ZSCAN1: variants seen among roughly 807,000 people sequenced by gnomAD.
ZSCAN1 encodes zinc finger and SCAN domain containing 1.
A neutral mutation model predicts 23.8 loss-of-function variants in ZSCAN1; 23 were observed. The ratio of observed to expected loss-of-function variants is 0.97; its 90% confidence interval spans 0.70 to 1.37. The LOEUF is 1.37. ZSCAN1 is among the 40% of genes most tolerant of loss of function. The pLI, the probability that ZSCAN1 is intolerant of heterozygous loss-of-function variation, is 0.00. For synonymous variants in ZSCAN1, 236 were observed against 232.3 expected (o/e 1.02, Z -0.15); for missense variants, 575 against 554.0 (o/e 1.04, Z -0.38).
In ZSCAN1 at chr19:58,045,123, C is replaced by A; in HGVS notation, c.465+4579C>A. The stretch of plus-strand genomic sequence containing the variant: ...ACGGATCCACACCAAGATCGCAGCA[C>A]GCATGCTCTGGCGCATCCTCAACTG... On this transcript the variant is annotated intron_variant, in intron 4 of 5. Coordinates refer to ENST00000282326, the MANE Select transcript of ZSCAN1 (RefSeq NM_182572.4). The surrounding 1 kb of genome is among the most constrained non-coding windows in gnomAD (Gnocchi z 4.3). The A allele has an allele frequency of 8.0e-7, 1 of 1,252,780 alleles. No homozygotes were observed. The highest frequency in any genetic ancestry group is 1.2e-6 in the Non-Finnish European group (1 of 854,428). 77.6% of individuals were successfully genotyped at this position (1,252,780 alleles called of 1,614,324 possible). A position where few individuals can be genotyped will look rare whatever the true frequency, so the allele number is the denominator to read the frequency against.
Position 58,053,394 on chromosome 19 carries a change from C to A in ZSCAN1, c.605-35C>A. The A allele has an allele frequency of 6.3e-7, 1 of 1,581,062 alleles. No homozygotes were observed. ...CAGGGAGATGCCAAGGCCATCCACTCACTACAGGTGACCCATCTCCCTCGC... is the reference window on the plus strand; with the variant it reads ...CAGGGAGATGCCAAGGCCATCCACTAACTACAGGTGACCCATCTCCCTCGC... On this transcript the variant is annotated intron_variant, in intron 5 of 5. Transcript: ENST00000282326. The surrounding 1 kb of genome is among the most constrained non-coding windows in gnomAD (Gnocchi z 5.8).
At chr19:58,041,024 G>A (rs1307604306) in intron 4 of ZSCAN1, among the ~76,000 whole-genome samples, 1 of 152,224 alleles carries the variant, frequency 6.6e-6, no homozygotes. Context: ...GGATCTCTGT[G>A]TGGCTGGAGA....
At chr19:58,046,150 C>T in intron 4 of ZSCAN1, 1 of 720,550 alleles carries the variant, frequency 1.4e-6, no homozygotes, top group South Asian at 1.6e-5. Flanking sequence ...GGACACTGCC[C>T]CCGTGCTAGA....
Position 58,045,021 on chromosome 19 carries a change from A to G in ZSCAN1, c.465+4477A>G. On this transcript the variant is annotated intron_variant, in intron 4 of 5. Coordinates refer to ENST00000282326, the MANE Select transcript of ZSCAN1 (RefSeq NM_182572.4). This position sits in a 1 kb window ranked among gnomAD's most constrained non-coding sequence, Gnocchi z 4.3. ...GCGGCCCTGTGTACAGCGCCCCCGC[A>G]GAGATGGTGGTGAAGTCCCGGGGGC... 1.7e-6 allele frequency: 2 copies of G among 1,149,982 alleles called. No homozygotes were observed. The highest frequency in any genetic ancestry group is 1.5e-5 in the African/African-American group (1 of 66,214). 71.2% of individuals were successfully genotyped at this position (1,149,982 alleles called of 1,614,324 possible).
downstream of ZSCAN1, among the ~76,000 whole-genome samples, chr19:58,055,972 T>G (rs1040248675): frequency 5.9e-5 from 9 of 152,156 alleles, no homozygotes; most frequent in East Asian, 1.7e-3. Context: ...CCTCTGGGGT[T>G]CCCACTCCCC....
rs555943037 is a variant in ZSCAN1, at chr19:58,036,979, C to T, written c.-109-749C>T. On this transcript the variant is annotated intron_variant, in intron 2 of 5. Coordinates refer to ENST00000282326, the MANE Select transcript of ZSCAN1 (RefSeq NM_182572.4). ...GATTACAGGTGTGAGCCACGGCACC[C>T]GGCCACAAAAGGTTATTTTAAAATT... is the stretch of plus-strand genomic sequence containing the variant. Among the ~76,000 whole-genome samples the T allele has an allele frequency of 3.2e-4, 49 of 152,234 alleles. 1 individual carries two copies. In the South Asian group the frequency reaches 4.8e-3, roughly 15 times the overall value.
At chr19:58,055,458 T>C (rs1042963583), downstream of ZSCAN1, among the ~76,000 whole-genome samples, 4 of 152,238 alleles carry the variant, frequency 2.6e-5, no homozygotes, top group African/African-American at 9.6e-5. Context: ...TGGGGGCTCC[T>C]GGCTCTATCC....
Position 58,045,469 on chromosome 19 carries a change from C to A in ZSCAN1, c.465+4925C>A. 3 of 1,256,606 alleles carry A rather than the reference C, an allele frequency of 2.4e-6. No homozygotes were observed. In the South Asian group the frequency reaches 3.6e-5, roughly 15 times the overall value. The allele number at this position is 1,256,606 out of a possible 1,614,324, so 77.8% of individuals were successfully genotyped here. On this transcript the variant is annotated intron_variant, in intron 4 of 5. Transcript: ENST00000282326. The surrounding 1 kb of genome is among the most constrained non-coding windows in gnomAD (Gnocchi z 4.3). ...GTGTTTTTCCAGAAGATCCGGGAGA[C>A]GGGGGAGAGGCCCAGCAATGAGGAA...
At chr19:58,037,136 C>T (rs1388083281) in intron 2 of ZSCAN1, among the ~76,000 whole-genome samples, 1 of 151,402 alleles carries the variant, frequency 6.6e-6, no homozygotes, top group African/African-American at 2.5e-5. Flanking sequence ...AGACCTGCTG[C>T]TGGTGGTGGT....
At position 58,040,100 on chromosome 19, in the gene ZSCAN1, G is replaced by A. The variant is rs749816910; in HGVS notation, c.371-350G>A. 4.6e-5 allele frequency among the ~76,000 whole-genome samples: 7 copies of A among 152,204 alleles called. No individual in the cohort carries two copies. The highest frequency in any genetic ancestry group is 8.8e-5 in the Non-Finnish European group (6 of 68,038). ...CCCTGCTTCAGCAGTCGTCCTCTGT[G>A]CACTCTGTGCACACAGCCCCGGGGG... On this transcript the variant is annotated intron_variant, in intron 3 of 5. Coordinates refer to ENST00000282326, the MANE Select transcript of ZSCAN1 (RefSeq NM_182572.4). This position sits in a 1 kb window ranked among gnomAD's most constrained non-coding sequence, Gnocchi z 5.8.
rs1341753819 is a variant in ZSCAN1, at chr19:58,053,975, T to G, written c.1151T>G (p.Val384Gly). The G allele has an allele frequency of 6.2e-7, 1 of 1,600,346 alleles. No individual in the cohort carries two copies. The change falls in exon 6 of 6, where the codon GTC (valine) becomes GGC (glycine). Residue 384 changes from valine to glycine, a missense_variant. By Grantham distance (109) the Val-to-Gly change is moderately radical. Coordinates refer to ENST00000282326, the MANE Select transcript of ZSCAN1 (RefSeq NM_182572.4). This position sits in a 1 kb window ranked among gnomAD's most constrained non-coding sequence, Gnocchi z 5.8. ...RSPKRPFQCS[V>G]CGKAFPWMVH... Reference sequence around the variant, plus strand: ...CCCAAAAGACCCTTCCAGTGTAGCGTCTGCGGGAAGGCCTTCCCCTGGATG... The same window carrying G: ...CCCAAAAGACCCTTCCAGTGTAGCGGCTGCGGGAAGGCCTTCCCCTGGATG...
Position 58,053,155 on chromosome 19 carries a change from C to T in ZSCAN1, c.605-274C>T, listed in dbSNP as rs1216046708. Among the ~76,000 whole-genome samples, 1 of 152,164 alleles carries T rather than the reference C, an allele frequency of 6.6e-6. No individual in the cohort carries two copies. Among genetic ancestry groups the T allele is most frequent in the Non-Finnish European group, 1.5e-5 (1 of 68,022 alleles). ...TTGTATTTTAGTAGAGACGGGGTTT[C>T]ACCATGTTGGTCAGGCTGGTGTCTA... is the stretch of plus-strand genomic sequence containing the variant. On this transcript the variant is annotated intron_variant, in intron 5 of 5. Transcript: ENST00000282326. The surrounding 1 kb of genome is among the most constrained non-coding windows in gnomAD (Gnocchi z 5.8).
chr19:58,045,041 G>A lies in ZSCAN1; in HGVS notation c.465+4497G>A, dbSNP rs1336251002. 8.1e-6 allele frequency: 9 copies of A among 1,111,230 alleles called. No homozygotes were observed. Among genetic ancestry groups the A allele is most frequent in the East Asian group, 2.4e-5 (1 of 41,982 alleles). 68.8% of individuals were successfully genotyped at this position (1,111,230 alleles called of 1,614,324 possible). On this transcript the variant is annotated intron_variant, in intron 4 of 5. Coordinates refer to ENST00000282326, the MANE Select transcript of ZSCAN1 (RefSeq NM_182572.4). This position sits in a 1 kb window ranked among gnomAD's most constrained non-coding sequence, Gnocchi z 4.3. Reference sequence around the variant, plus strand: ...CCCGCAGAGATGGTGGTGAAGTCCCGGGGGCAGAGAGGGTGCTGGGCGAGC... The same window carrying A: ...CCCGCAGAGATGGTGGTGAAGTCCCAGGGGCAGAGAGGGTGCTGGGCGAGC...
Position 58,054,132 on chromosome 19 carries a change from C to G in ZSCAN1, c.*81C>G, listed in dbSNP as rs2073877927. On this transcript the variant is annotated 3_prime_UTR_variant, in exon 6 of 6. Coordinates refer to ENST00000282326, the MANE Select transcript of ZSCAN1 (RefSeq NM_182572.4). The surrounding 1 kb of genome is among the most constrained non-coding windows in gnomAD (Gnocchi z 4.2). ...GGCCCCAGAAGATGGGGGACATCCC[C>G]CAGCCCCACCAACCCCTGGCCACCT... 2 of 1,424,644 alleles carry G rather than the reference C, an allele frequency of 1.4e-6. No individual in the cohort carries two copies. The highest frequency in any genetic ancestry group is 1.4e-5 in the African/African-American group (1 of 69,604). The allele number at this position is 1,424,644 out of a possible 1,614,324, so 88.3% of individuals were successfully genotyped here.
In ZSCAN1 at chr19:58,052,625, C is replaced by T. The variant is rs576090492; in HGVS notation, c.601C>T (p.Leu201=). Residue 201 remains leucine, a synonymous_variant, in exon 5 of 6, where the codon CTG becomes TTG. Transcript: ENST00000282326. ...EAEAPRAPGL[L]GSRARLPLKP... is the part of the protein sequence containing the mutation. ...CGAAGCGCCCCGCGCCCCTGGCTTGCTGGGTGAGTCTGGCTCCTGTGTGGA... is the reference window on the plus strand; with the variant it reads ...CGAAGCGCCCCGCGCCCCTGGCTTGTTGGGTGAGTCTGGCTCCTGTGTGGA... The T allele has an allele frequency of 2.4e-5, 39 of 1,595,012 alleles. No individual in the cohort carries two copies. The highest frequency in any genetic ancestry group is 3.2e-5 in the Non-Finnish European group (38 of 1,170,004).
At position 58,052,606 on chromosome 19, in the gene ZSCAN1, GC is replaced by G. The variant is rs1568606325; in HGVS notation, c.586del (p.Arg196AlafsTer14). ...TGCACACCAGGGCGGAGGCCGAAGC[GC>G]CCCGCGCCCCTGGCTTGCTGGGTGA... ...SLHTRAEAEAPRAPGLLGSRA... is the reference protein window; with the variant it reads ...SLHTRAEAEAXRAPGLLGSRA... On this transcript the variant is annotated frameshift_variant, in exon 5 of 6. Coordinates refer to ENST00000282326, the MANE Select transcript of ZSCAN1 (RefSeq NM_182572.4). LOFTEE classifies it low-confidence loss of function (END_TRUNC). 6.2e-7 allele frequency: 1 copy of G among 1,606,598 alleles called. No individual in the cohort carries two copies. The highest frequency in any genetic ancestry group is 1.3e-5 in the African/African-American group (1 of 74,852).
At chr19:58,038,473 GCTGCTCCTCA>G in intron 3 of ZSCAN1, 1 of 590,406 alleles carries the variant, frequency 1.7e-6, no homozygotes, top group South Asian at 2.1e-5. Flanking sequence ...CTTTGTGTCT[GCTGCTCCTCA>G]CGGCTGCTCT....
intron 2 of ZSCAN1, among the ~76,000 whole-genome samples, chr19:58,036,934 C>T (rs1049947354): frequency 2.0e-5 from 3 of 152,020 alleles, no homozygotes; most frequent in Non-Finnish European, 2.9e-5. Context: ...TCCACCCACC[C>T]GGGCCTCCCA....
rs1026602932 is a variant in ZSCAN1 at position 58,054,227 on chromosome 19, G to A, written c.*176G>A. ...GGACACCTGCTCCGAAGCCAAGCAC[G>A]GGATGGGGCTTCCCAGGGTCTCAGC... On this transcript the variant is annotated 3_prime_UTR_variant, in exon 6 of 6. Transcript: ENST00000282326. This position sits in a 1 kb window ranked among gnomAD's most constrained non-coding sequence, Gnocchi z 4.2. 7.5e-6 allele frequency: 6 copies of A among 795,656 alleles called. No homozygotes were observed. The highest frequency in any genetic ancestry group is 4.6e-5 in the South Asian group (2 of 43,146). The allele number at this position is 795,656 out of a possible 1,614,324, so 49.3% of individuals were successfully genotyped here. A position where few individuals can be genotyped will look rare whatever the true frequency, so the allele number is the denominator to read the frequency against.
Sources: allele counts gnomAD v4.1 joint callset (sites outside exome capture counted in the v4.1 genomes callset), GRCh38; gene constraint gnomAD v4.1.1; non-coding constraint Gnocchi (gnomAD v3.1); transcripts MANE v1.5; gene names NCBI Gene and HGNC (gene_info 2026-07-23, HGNC 2026-07-21).